Variants in ARVCF observed in about 807,000 individuals in gnomAD.
ARVCF encodes splicing regulator ARVCF.
In ARVCF, 66 loss-of-function variants were observed where a neutral mutation model predicts 90.9. That is an observed-to-expected ratio of 0.73 (90% CI 0.60 to 0.89). The LOEUF (loss-of-function observed/expected upper bound fraction) is 0.89. Ranked by LOEUF, ARVCF falls within the 40% of genes least tolerant of loss-of-function variation. ARVCF has a pLI of 0.00. For synonymous variants in ARVCF, 653 were observed against 603.4 expected (o/e 1.08, Z -1.21); for missense variants, 1,469 against 1,382.3 (o/e 1.06, Z -1.00).
intron 2 of ARVCF, among the ~76,000 whole-genome samples, chr22:20,007,111 A>G (rs959531332): frequency 2.0e-5 from 3 of 151,980 alleles, no homozygotes; most frequent in African/African-American, 7.2e-5. Flanking sequence ...AAAATTAGCC[A>G]GGCATGGCCG....
chr22:20,002,760 C>T (rs1459551485), intron 2 of ARVCF, among the ~76,000 whole-genome samples: 1 of 152,180 alleles, frequency 6.6e-6, no homozygotes, highest in East Asian at 1.9e-4. Flanking sequence ...ACAGCCTGCG[C>T]ATGAAGATTG....
At chr22:19,995,608 C>T (rs1381392294) in intron 2 of ARVCF, among the ~76,000 whole-genome samples, 6 of 152,184 alleles carry the variant, frequency 3.9e-5, no homozygotes, top group African/African-American at 1.4e-4. Context: ...CATTCCTCCT[C>T]GGGAGTGCGG....
intron 6 of ARVCF, chr22:19,979,379 A>G: frequency 1.9e-6 from 1 of 514,402 alleles, no homozygotes; most frequent in Non-Finnish European, 3.5e-6. Context: ...TCACAGAGAC[A>G]CGGTGACCCT....
chr22:20,006,037 G>C (rs1213954571), intron 2 of ARVCF, among the ~76,000 whole-genome samples: 1 of 152,174 alleles, frequency 6.6e-6, no homozygotes, highest in Non-Finnish European at 1.5e-5. Context: ...GATACTGTGA[G>C]ATTCTATTTA....
chr22:20,013,042 C>T (rs895432603), intron 1 of ARVCF, among the ~76,000 whole-genome samples: 1 of 152,242 alleles, frequency 6.6e-6, no homozygotes, highest in African/African-American at 2.4e-5. Flanking sequence ...GCTCTATGAG[C>T]GCGAGGTGAC....
intron 18 of ARVCF, 43 bp from the exon 19 acceptor site, chr22:19,971,378 T>C (rs781501137): frequency 8.9e-5 from 130 of 1,453,488 alleles, no homozygotes; most frequent in Non-Finnish European, 1.1e-4. Flanking sequence ...TAGAGCAGGT[T>C]AGTTAGAGCT....
At chr22:19,980,507 C>T in intron 5 of ARVCF, 1 of 433,066 alleles carries the variant, frequency 2.3e-6, no homozygotes, top group Non-Finnish European at 4.0e-6. Flanking sequence ...TCACTCACTG[C>T]TGTCACCGGG....
chr22:19,998,528 G>A (rs776565147), intron 2 of ARVCF, among the ~76,000 whole-genome samples: 23 of 152,202 alleles, frequency 1.5e-4, no homozygotes, highest in Non-Finnish European at 1.9e-4. Context: ...AAGGGTCTCC[G>A]GATGGATGAG....
chr22:19,983,663 G>A (rs1215155409), intron 3 of ARVCF: 2 of 152,364 alleles, frequency 1.3e-5, no homozygotes, highest in Non-Finnish European at 1.5e-5. Context: ...GCAGGGGGAA[G>A]AGGATTTACC....
At chr22:20,009,521 C>A (rs993031901) in intron 2 of ARVCF, among the ~76,000 whole-genome samples, 1 of 152,226 alleles carries the variant, frequency 6.6e-6, no homozygotes, top group African/African-American at 2.4e-5. Flanking sequence ...GTCAGCCATG[C>A]CTCCCACAGA....
chr22:19,976,894 G>A (rs1311815466), intron 9 of ARVCF, among the ~76,000 whole-genome samples, 171 bp from the exon 10 acceptor site: 2 of 152,012 alleles, frequency 1.3e-5, no homozygotes, highest in East Asian at 3.9e-4. Context: ...CCCACCAGGG[G>A]TACAAGAAGA....
chr22:20,011,830 T>C (rs1224693767), intron 1 of ARVCF, among the ~76,000 whole-genome samples: 1 of 152,078 alleles, frequency 6.6e-6, no homozygotes, highest in East Asian at 1.9e-4. Flanking sequence ...AGTGTTCACA[T>C]AGGTTTTGTA....
At chr22:19,998,920 A>G (rs1049367306) in intron 2 of ARVCF, among the ~76,000 whole-genome samples, 1 of 152,138 alleles carries the variant, frequency 6.6e-6, no homozygotes, top group Non-Finnish European at 1.5e-5. Flanking sequence ...CTATCCGCCC[A>G]GGGGGAAATG....
chr22:19,976,724 C>G lies in ARVCF; in HGVS notation c.1871-1G>C. ...GACTCACCTTGGTGGAACCACTCCT[C>G]TGGGAGGCCGGAGGAAGCAGAGGAG... On this transcript the variant is annotated splice_acceptor_variant, in intron 9 of 19. Coordinates refer to ENST00000263207, the MANE Select transcript of ARVCF (RefSeq NM_001670.3). LOFTEE classifies it high-confidence loss of function. 6.4e-7 allele frequency: 1 copy of G among 1,560,508 alleles called. No individual in the cohort carries two copies. The highest frequency in any genetic ancestry group is 2.4e-5 in the East Asian group (1 of 42,552).
intron 18 of ARVCF, among the ~76,000 whole-genome samples, chr22:19,971,658 G>A (rs1430772535): frequency 6.6e-6 from 1 of 152,184 alleles, no homozygotes; most frequent in Non-Finnish European, 1.5e-5. Context: ...ACAGGCTCTG[G>A]CCCATGCAGG....
chr22:19,996,768 G>A (rs920973754), intron 2 of ARVCF, among the ~76,000 whole-genome samples: 1 of 152,096 alleles, frequency 6.6e-6, no homozygotes, highest in East Asian at 1.9e-4. Flanking sequence ...TGAAAGCAGA[G>A]GCCAGGGACC....
chr22:20,004,285 G>A (rs771462828), intron 2 of ARVCF, among the ~76,000 whole-genome samples: 56 of 152,026 alleles, frequency 3.7e-4, no homozygotes, highest in Non-Finnish European at 4.9e-4. Flanking sequence ...TCACAATGAC[G>A]ATACTACTGA....
chr22:20,012,872 C>T (rs921544656), intron 1 of ARVCF, among the ~76,000 whole-genome samples: 3 of 152,238 alleles, frequency 2.0e-5, no homozygotes, highest in Non-Finnish European at 4.4e-5. Context: ...GGATAGCTGA[C>T]GGCACAGGGC....
chr22:19,980,979 C>A, intron 5 of ARVCF: 1 of 536,648 alleles, frequency 1.9e-6, no homozygotes, highest in Admixed American at 3.7e-5. Context: ...GGCCAGTGGC[C>A]GGCACTCTTC....
Sources: allele counts gnomAD v4.1 joint callset (sites outside exome capture counted in the v4.1 genomes callset), GRCh38; gene constraint gnomAD v4.1.1; transcripts MANE v1.5; gene names NCBI Gene and HGNC (gene_info 2026-07-23, HGNC 2026-07-21).